The following EFR3B variants were observed in gnomAD, a reference collection of about 807,000 sequenced individuals.
EFR3B encodes EFR3 homolog B, also known as protein EFR3 homolog B.
EFR3B carries 64 observed loss-of-function variants against 104.7 expected under a neutral mutation model. The observed-to-expected ratio is 0.61, with a 90% CI of 0.50 to 0.75. The LOEUF is 0.75. EFR3B is among the 30% of genes least tolerant of loss of function. The pLI is 0.00. For missense variants in EFR3B, 750 were observed against 1,078.5 expected (o/e 0.70, Z 4.27); for synonymous variants, 385 against 417.9 (o/e 0.92, Z 0.96).
chr2:25,134,381 G>A (rs1573228732), intron 12 of EFR3B, among the ~76,000 whole-genome samples: 2 of 152,196 alleles, frequency 1.3e-5, no homozygotes, highest in South Asian at 4.1e-4. Flanking sequence ...TGTTGGCCAG[G>A]CTGGTCTTGA....
intron 1 of EFR3B, chr2:25,080,379 C>T (rs1668767549): frequency 1.8e-6 from 1 of 544,508 alleles, no homozygotes; most frequent in Admixed American, 3.3e-5. Context: ...ACTGCAACCT[C>T]CGCCTCCCAT....
rs1255979418 is a variant in EFR3B at position 25,114,992 on chromosome 2, C to G, written c.364-6681C>G. On this transcript the variant is annotated intron_variant, in intron 4 of 22. Coordinates refer to ENST00000403714, the MANE Select transcript of EFR3B (RefSeq NM_014971.2). This position sits in a 1 kb window ranked among gnomAD's most constrained non-coding sequence, Gnocchi z 4.0. ...CTTGAGCCCAGGAATTCAAGACCAG[C>G]CTGGACAACACTGAAACCCCATCTG... Among the ~76,000 whole-genome samples the G allele has an allele frequency of 1.3e-5, 2 of 152,140 alleles. No homozygotes were observed. The highest frequency in any genetic ancestry group is 2.4e-5 in the African/African-American group (1 of 41,420).
intron 1 of EFR3B, chr2:25,080,142 G>T: frequency 1.7e-6 from 2 of 1,210,120 alleles, no homozygotes; most frequent in Non-Finnish European, 2.5e-6. Flanking sequence ...TAACATCACA[G>T]TGCATGATTC....
chr2:25,064,956 A>G (rs749047815), intron 1 of EFR3B, among the ~76,000 whole-genome samples: 1 of 152,226 alleles, frequency 6.6e-6, no homozygotes, highest in Non-Finnish European at 1.5e-5. Flanking sequence ...TTCTAAGGAC[A>G]CAACTGAAGC....
chr2:25,068,846 G>T (rs990713734), intron 1 of EFR3B, among the ~76,000 whole-genome samples: 36 of 151,652 alleles, frequency 2.4e-4, no homozygotes, highest in Non-Finnish European at 5.2e-4. Context: ...AGCCAGGATG[G>T]TCTCTATCTC....
intron 1 of EFR3B, among the ~76,000 whole-genome samples, chr2:25,070,364 C>T (rs1668461318): frequency 1.3e-5 from 2 of 152,130 alleles, no homozygotes; most frequent in Admixed American, 1.3e-4. Context: ...CGGGTTCAAG[C>T]AATTCTCCCA....
At chr2:25,080,108 C>G in intron 1 of EFR3B, 1 of 995,018 alleles carries the variant, frequency 1.0e-6, no homozygotes, top group South Asian at 1.3e-5. Context: ...ACATCTTTTA[C>G]TGCCGTGACT....
Position 25,086,079 on chromosome 2 carries a change from C to G in EFR3B, c.8-5246C>G, listed in dbSNP as rs146559281. Among the ~76,000 whole-genome samples the G allele has an allele frequency of 8.5e-4, 129 of 152,092 alleles. 1 individual carries two copies. Among genetic ancestry groups the G allele is most frequent in the Non-Finnish European group, 1.6e-3 (106 of 67,992 alleles). On this transcript the variant is annotated intron_variant, in intron 1 of 22. Coordinates refer to ENST00000403714, the MANE Select transcript of EFR3B (RefSeq NM_014971.2). ...TAGTAATATACATTTAAGTTTCCTC[C>G]ATGTCTTTTCATGGCTTGATCACTC...
intron 6 of EFR3B, 89 bp downstream of exon 6, chr2:25,128,421 A>G: frequency 6.7e-7 from 1 of 1,498,362 alleles, no homozygotes; most frequent in East Asian, 2.5e-5. Flanking sequence ...TGGTCAGTAA[A>G]ACTCAGCTAC....
At chr2:25,085,109 C>G (rs1668913671) in intron 1 of EFR3B, among the ~76,000 whole-genome samples, 1 of 152,198 alleles carries the variant, frequency 6.6e-6, no homozygotes, top group Non-Finnish European at 1.5e-5. Context: ...CTTCTTGTAC[C>G]TCTCTTCTGG....
intron 19 of EFR3B, chr2:25,145,364 A>G: frequency 2.1e-6 from 1 of 484,248 alleles, no homozygotes; most frequent in Non-Finnish European, 3.7e-6. Context: ...TGAGCCCAGG[A>G]GTTTGAGATG....
intron 1 of EFR3B, among the ~76,000 whole-genome samples, chr2:25,046,422 C>T (rs1366376999): frequency 3.3e-5 from 5 of 151,900 alleles, no homozygotes; most frequent in Admixed American, 3.3e-4. Context: ...ATGTGCTTGA[C>T]GGAATCCTAT....
chr2:25,151,260 TTTTG>T (rs1284968449), intron 20 of EFR3B, among the ~76,000 whole-genome samples: 145 of 152,096 alleles, frequency 9.5e-4, no homozygotes, highest in African/African-American at 3.3e-3. Context: ...CCTCTTCTTT[TTTTG>T]TTTATTTTTG....
Position 25,141,351 on chromosome 2 carries a change from C to G in EFR3B, c.1855-15C>G. The G allele has an allele frequency of 6.4e-7, 1 of 1,550,960 alleles. No individual in the cohort carries two copies. Among genetic ancestry groups the G allele is most frequent in the African/African-American group, 1.4e-5 (1 of 73,148 alleles). The stretch of plus-strand genomic sequence containing the variant: ...CTGCTGAACCAGCTCTTATCTGATT[C>G]CTCCCAACCGCCAGGTGATAGAGAC... On this transcript the variant is annotated splice_polypyrimidine_tract_variant and intron_variant, in intron 16 of 22. Transcript: ENST00000403714.
chr2:25,123,268 G>A (rs1670070449), intron 5 of EFR3B, among the ~76,000 whole-genome samples: 1 of 151,712 alleles, frequency 6.6e-6, no homozygotes, highest in African/African-American at 2.4e-5. Flanking sequence ...GCAGAGGTGG[G>A]AGGATCTCTT....
At chr2:25,084,012 A>T (rs1457862524) in intron 1 of EFR3B, among the ~76,000 whole-genome samples, 1 of 152,062 alleles carries the variant, frequency 6.6e-6, no homozygotes, top group Non-Finnish European at 1.5e-5. Flanking sequence ...CTGGTTTTGT[A>T]TTTCAGAACA....
intron 11 of EFR3B, 136 bp from the exon 12 acceptor site, chr2:25,133,247 G>T: frequency 9.7e-7 from 1 of 1,026,946 alleles, no homozygotes; most frequent in South Asian, 1.4e-5. Context: ...GGCTTCCTGG[G>T]TCCGGAAGTC....
At chr2:25,126,283 G>A (rs146168384) in intron 5 of EFR3B, among the ~76,000 whole-genome samples, 1 of 152,198 alleles carries the variant, frequency 6.6e-6, no homozygotes, top group African/African-American at 2.4e-5. Context: ...TTGCCTCCCA[G>A]GCTCAATCAG....
At chr2:25,049,999 G>A (rs1026814011) in intron 1 of EFR3B, among the ~76,000 whole-genome samples, 5 of 150,466 alleles carry the variant, frequency 3.3e-5, no homozygotes, top group Non-Finnish European at 5.9e-5. Context: ...GGGTGGTGGC[G>A]CATGCCTATA....
Sources: allele counts gnomAD v4.1 joint callset (sites outside exome capture counted in the v4.1 genomes callset), GRCh38; gene constraint gnomAD v4.1.1; non-coding constraint Gnocchi (gnomAD v3.1); transcripts MANE v1.5; gene names NCBI Gene and HGNC (gene_info 2026-07-23, HGNC 2026-07-21).